SKAP2: variants seen among roughly 807,000 people sequenced by gnomAD.
The protein encoded by SKAP2 is src kinase-associated phosphoprotein 2.
Under a neutral mutation model 54.9 loss-of-function variants are expected in SKAP2, and 28 were observed. The ratio of observed to expected loss-of-function variants is 0.51; its 90% CI spans 0.38 to 0.70. The LOEUF (loss-of-function observed/expected upper bound fraction) is 0.70, where lower values mean the gene tolerates loss of function less well. Among genes scored for constraint, SKAP2 ranks in the 30% least tolerant of loss-of-function variants. The pLI is 0.00. For missense variants in SKAP2, 356 were observed against 424.1 expected (o/e 0.84, Z 1.41); for synonymous variants, 137 against 134.3 (o/e 1.02, Z -0.14).
At chr7:26,682,966 C>G (rs1786537565) in intron 11 of SKAP2, among the ~76,000 whole-genome samples, 1 of 152,112 alleles carries the variant, frequency 6.6e-6, no homozygotes, top group African/African-American at 2.4e-5. Flanking sequence ...GGTGCTCTAC[C>G]CAGGCTTTCA....
intron 4 of SKAP2, among the ~76,000 whole-genome samples, chr7:26,804,683 G>C (rs1040367578): frequency 5.4e-5 from 8 of 149,156 alleles, no homozygotes; most frequent in Non-Finnish European, 1.0e-4. Flanking sequence ...AGGTTGCAGT[G>C]AGCCGAAATA....
intron 4 of SKAP2, among the ~76,000 whole-genome samples, chr7:26,840,484 T>G (rs1343938944): frequency 6.6e-6 from 1 of 152,108 alleles, no homozygotes; most frequent in Non-Finnish European, 1.5e-5. Flanking sequence ...AATTATATGG[T>G]GTCTAAAGTC....
rs1327291807 is a variant in SKAP2 at position 26,668,986 on chromosome 7, C to A, written c.*680G>T. On this transcript the variant is annotated 3_prime_UTR_variant, in exon 13 of 13. Coordinates refer to ENST00000345317, the MANE Select transcript of SKAP2 (RefSeq NM_003930.5). ...AAATGTTGCCAGGCCCATCATCGCA[C>A]CAGGATATTTGTACGGTAAAATGCT... is the stretch of plus-strand genomic sequence containing the variant. The A allele has an allele frequency of 6.6e-6, 1 of 152,048 alleles. No individual in the cohort carries two copies. The highest frequency in any genetic ancestry group is 1.5e-5 in the Non-Finnish European group (1 of 68,036). The allele number at this position is 152,048 out of a possible 1,614,324, so 9.4% of individuals were successfully genotyped here. A position where few individuals can be genotyped will look rare whatever the true frequency, so the allele number is the denominator to read the frequency against.
At chr7:26,861,497 A>T (rs1335937798) in intron 1 of SKAP2, among the ~76,000 whole-genome samples, 1 of 152,098 alleles carries the variant, frequency 6.6e-6, no homozygotes, top group African/African-American at 2.4e-5. Context: ...TCAACATTTT[A>T]TAAAAAGCAT....
intron 11 of SKAP2, among the ~76,000 whole-genome samples, chr7:26,676,650 T>G (rs898933100): frequency 1.5e-4 from 23 of 152,314 alleles, no homozygotes; most frequent in African/African-American, 5.5e-4. Context: ...AAAAGCATAG[T>G]AAACATCTAT....
At chr7:26,700,713 A>T (rs1402530328) in intron 9 of SKAP2, among the ~76,000 whole-genome samples, 1 of 152,134 alleles carries the variant, frequency 6.6e-6, no homozygotes, top group Non-Finnish European at 1.5e-5. Flanking sequence ...TCCTAAGATC[A>T]CTCATCCATA....
At chr7:26,674,421 G>A (rs895180150) in intron 11 of SKAP2, among the ~76,000 whole-genome samples, 1 of 151,972 alleles carries the variant, frequency 6.6e-6, no homozygotes, top group Admixed American at 6.6e-5. Context: ...TATTAACTCC[G>A]ATTAGAAACT....
At chr7:26,685,827 G>A (rs1293842032) in intron 10 of SKAP2, among the ~76,000 whole-genome samples, 1 of 152,122 alleles carries the variant, frequency 6.6e-6, no homozygotes. Context: ...ATTGAGTTTT[G>A]ATGAGTTAAC....
At chr7:26,720,051 AACAC>A (rs57945020) in intron 9 of SKAP2, among the ~76,000 whole-genome samples, 8,302 of 141,616 alleles carry the variant, frequency 0.059, 308 homozygotes, top group Non-Finnish European at 0.08. Flanking sequence ...ACATATCTGT[AACAC>A]ACACACACAC....
intron 4 of SKAP2, among the ~76,000 whole-genome samples, chr7:26,793,366 C>T (rs1425224577): frequency 1.3e-5 from 2 of 152,180 alleles, no homozygotes; most frequent in African/African-American, 4.8e-5. Flanking sequence ...AGTATCCTTA[C>T]AGAAGAATTC....
chr7:26,747,611 C>A (rs1182495885), intron 4 of SKAP2, among the ~76,000 whole-genome samples: 1 of 152,138 alleles, frequency 6.6e-6, no homozygotes, highest in Non-Finnish European at 1.5e-5. Context: ...CAAAAGAAGA[C>A]AGTAACTATT....
intron 4 of SKAP2, among the ~76,000 whole-genome samples, chr7:26,770,170 G>A (rs771659355): frequency 5.9e-5 from 9 of 152,180 alleles, no homozygotes; most frequent in Non-Finnish European, 1.3e-4. Flanking sequence ...GAGGAATCTA[G>A]AGAGGCAGTC....
intron 4 of SKAP2, among the ~76,000 whole-genome samples, chr7:26,825,943 G>A (rs1268820427): frequency 2.6e-5 from 4 of 151,938 alleles, no homozygotes; most frequent in African/African-American, 9.7e-5. Flanking sequence ...TACCTTTAGT[G>A]GCTGTTTTTG....
At chr7:26,847,057 A>G (rs982296321) in intron 3 of SKAP2, among the ~76,000 whole-genome samples, 1 of 152,110 alleles carries the variant, frequency 6.6e-6, no homozygotes, top group Non-Finnish European at 1.5e-5. Flanking sequence ...TCTTCAACTT[A>G]CCCATTCTAA....
intron 4 of SKAP2, among the ~76,000 whole-genome samples, chr7:26,806,420 A>C (rs970558405): frequency 2.6e-5 from 4 of 152,324 alleles, no homozygotes; most frequent in African/African-American, 9.6e-5. Context: ...CAATATAAAA[A>C]ATATAAATAA....
At chr7:26,834,249 C>T (rs1230089658) in intron 4 of SKAP2, among the ~76,000 whole-genome samples, 1 of 152,126 alleles carries the variant, frequency 6.6e-6, no homozygotes, top group Non-Finnish European at 1.5e-5. Flanking sequence ...CAGAAAAGAT[C>T]TAAAATTGAC....
At chr7:26,700,828 C>T (rs1359328785) in intron 9 of SKAP2, among the ~76,000 whole-genome samples, 1 of 152,320 alleles carries the variant, frequency 6.6e-6, no homozygotes, top group Non-Finnish European at 1.5e-5. Context: ...CTCCAGACCT[C>T]TAAAGTCTTT....
chr7:26,781,360 A>C (rs141654495), intron 4 of SKAP2, among the ~76,000 whole-genome samples: 16 of 152,280 alleles, frequency 1.1e-4, no homozygotes, highest in African/African-American at 3.6e-4. Context: ...AAATAAAGGC[A>C]TATTAGCCCA....
At chr7:26,656,909 G>A in the SKAP2 span, among the ~76,000 whole-genome samples, 1 of 151,894 alleles carries the variant, frequency 6.6e-6, no homozygotes, top group African/African-American at 2.4e-5. Flanking sequence ...TGAACCCCAC[G>A]GCTGCCCGAG....
Sources: gnomAD v4.1 joint callset for allele counts (sites outside exome capture counted in the v4.1 genomes callset) on GRCh38, gnomAD v4.1.1 for gene constraint, MANE v1.5 for transcripts, NCBI Gene and HGNC (gene_info 2026-07-23, HGNC 2026-07-21) for gene names.